The following NETO1 variants were observed in gnomAD, a reference collection of about 807,000 sequenced individuals.
NETO1 encodes the protein neuropilin and tolloid-like protein 1.
NETO1 carries 26 observed loss-of-function variants against 61.3 expected under a neutral mutation model. The ratio of observed to expected loss-of-function variants is 0.42; its 90% CI spans 0.31 to 0.59. The LOEUF (loss-of-function observed/expected upper bound fraction) is 0.59. NETO1 is among the 20% of genes least tolerant of loss of function. The probability of loss-of-function intolerance (pLI) is 0.12; values close to 1 mark genes in which losing one functional copy is unlikely to be tolerated. For synonymous variants in NETO1, 225 were observed against 225.8 expected (o/e 1.00, Z 0.03); for missense variants, 531 against 662.8 (o/e 0.80, Z 2.18).
Position 72,858,842 on chromosome 18 carries a change from T to C in NETO1, c.453A>G (p.Arg151=). Residue 151 remains arginine, a synonymous_variant, in exon 4 of 11, where the codon CGA becomes CGG. Coordinates refer to ENST00000327305, the MANE Select transcript of NETO1 (RefSeq NM_138966.5). The part of the protein sequence containing the change: ...GELESMGFSA[R]YNFTPDPDFK... ...CTTACTTACCAGGTGTGAAATTGTA[T>C]CGAGCTGAAAATCCCATAGATTCCA... is the stretch of plus-strand genomic sequence containing the variant. The C allele has an allele frequency of 6.2e-7, 1 of 1,611,212 alleles. No individual in the cohort carries two copies. Among genetic ancestry groups the C allele is most frequent in the Non-Finnish European group, 8.5e-7 (1 of 1,178,982 alleles).
At chr18:72,768,099 A>T (rs1262448992) in intron 7 of NETO1, among the ~76,000 whole-genome samples, 1 of 152,100 alleles carries the variant, frequency 6.6e-6, no homozygotes, top group Non-Finnish European at 1.5e-5. Context: ...TCCATTTCAG[A>T]TCTTTTTCAA....
At chr18:72,810,722 G>GT (rs1351480057) in intron 4 of NETO1, among the ~76,000 whole-genome samples, 1 of 152,096 alleles carries the variant, frequency 6.6e-6, no homozygotes, top group Admixed American at 6.5e-5. Context: ...TTCCTCGCTC[G>GT]TTTTTCTGTC....
chr18:72,864,854 A>G lies in NETO1; in HGVS notation c.174T>C (p.Tyr58=). The part of the protein sequence containing the change: ...AEGGIFTSPN[Y]PSKYPPDREC... ...CCCGGTCAGGGGGATACTTGCTGGG[A>G]TAGTTGGGAGAGGTAAAGATACCTC... The change falls in exon 3 of 11, where the codon TAT becomes TAC. Residue 58 remains tyrosine, a synonymous_variant. Coordinates refer to ENST00000327305, the MANE Select transcript of NETO1 (RefSeq NM_138966.5). The G allele has an allele frequency of 1.2e-6, 2 of 1,614,004 alleles. No individual in the cohort carries two copies. Among genetic ancestry groups the G allele is most frequent in the African/African-American group, 1.3e-5 (1 of 74,984 alleles).
intron 7 of NETO1, among the ~76,000 whole-genome samples, chr18:72,767,421 T>TA (rs2071203539): frequency 6.6e-6 from 1 of 152,122 alleles, no homozygotes; most frequent in East Asian, 1.9e-4. Flanking sequence ...ACACTTTATT[T>TA]AAAAAAATTA....
rs532658476 is a variant in NETO1 at position 72,767,159 on chromosome 18, G to A, written c.869-11012C>T. ...GGGCCTGCAGTAAATGAAGATTAGA[G>A]CCAAGCGTAAACACATCACCATGAC... On this transcript the variant is annotated intron_variant, in intron 7 of 10. Coordinates refer to ENST00000327305, the MANE Select transcript of NETO1 (RefSeq NM_138966.5). 3.3e-5 allele frequency among the ~76,000 whole-genome samples: 5 copies of A among 152,242 alleles called. No homozygotes were observed. In the East Asian group the frequency reaches 9.6e-4, roughly 29 times the overall value.
At position 72,765,288 on chromosome 18, in the gene NETO1, C is replaced by A. The variant is rs1444827762; in HGVS notation, c.869-9141G>T. Among the ~76,000 whole-genome samples the A allele has an allele frequency of 2.6e-5, 4 of 152,208 alleles. No homozygotes were observed. In the South Asian group the frequency reaches 6.2e-4, roughly 24 times the overall value. On this transcript the variant is annotated intron_variant, in intron 7 of 10. Transcript: ENST00000327305. ...GGTTTTCCCACAATACATACTAGGG[C>A]TTGGGCTGATCCCTTTGAGTTAACT...
intron 7 of NETO1, among the ~76,000 whole-genome samples, chr18:72,766,067 T>A (rs1239416951): frequency 6.6e-6 from 1 of 151,652 alleles, no homozygotes; most frequent in Non-Finnish European, 1.5e-5. Flanking sequence ...AGTAGACTGG[T>A]GTGGTGGTGC....
At chr18:72,846,534 A>AAAAAAAAAAAAAAAAT (rs2074093515) in intron 4 of NETO1, among the ~76,000 whole-genome samples, 1 of 146,800 alleles carries the variant, frequency 6.8e-6, no homozygotes, top group Non-Finnish European at 1.5e-5. Flanking sequence ...AAAAAAAAAA[A>AAAAAAAAAAAAAAAAT]GAAGATGCAT....
Position 72,867,976 on chromosome 18 carries a change from T to C in NETO1, c.-685A>G, listed in dbSNP as rs2145719085. ...GGCTCGCCGGGCTGCGCGCCACCTC[T>C]GCTATCTTGCGGAAAGAGGAGCGGG... On this transcript the variant is annotated 5_prime_UTR_variant, in exon 1 of 11. Coordinates refer to ENST00000327305, the MANE Select transcript of NETO1 (RefSeq NM_138966.5). 1 of 148,568 alleles carries C rather than the reference T, an allele frequency of 6.7e-6. No homozygotes were observed. The highest frequency in any genetic ancestry group is 2.5e-5 in the African/African-American group (1 of 40,420). 9.2% of individuals were successfully genotyped at this position (148,568 alleles called of 1,614,324 possible).
chr18:72,860,517 TA>T (rs1222638453), intron 3 of NETO1, among the ~76,000 whole-genome samples: 1 of 152,296 alleles, frequency 6.6e-6, no homozygotes, highest in Non-Finnish European at 1.5e-5. Flanking sequence ...GGTATAAAAT[TA>T]AATATCAACA....
chr18:72,823,706 A>T (rs180819066), intron 4 of NETO1, among the ~76,000 whole-genome samples: 2 of 152,272 alleles, frequency 1.3e-5, no homozygotes, highest in African/African-American at 4.8e-5. Context: ...ATAGATTTTT[A>T]AAAATAGTCA....
intron 4 of NETO1, among the ~76,000 whole-genome samples, chr18:72,809,228 A>G (rs1478282335): frequency 6.6e-6 from 1 of 152,244 alleles, no homozygotes; most frequent in African/African-American, 2.4e-5. Context: ...TATATGCCAG[A>G]CAAGCAATAA....
In NETO1 at chr18:72,822,738, G is replaced by A. The variant is rs1293520477; in HGVS notation, c.470-28334C>T. ...AATAAAAGCTGAAGACTTCACTTGCGGTAGACACTGTTCTGTAATCTTGTT... is the reference window on the plus strand; with the variant it reads ...AATAAAAGCTGAAGACTTCACTTGCAGTAGACACTGTTCTGTAATCTTGTT... On this transcript the variant is annotated intron_variant, in intron 4 of 10. Coordinates refer to ENST00000327305, the MANE Select transcript of NETO1 (RefSeq NM_138966.5). 3.9e-5 allele frequency among the ~76,000 whole-genome samples: 6 copies of A among 152,104 alleles called. No individual in the cohort carries two copies. In the East Asian group the frequency reaches 7.7e-4, roughly 20 times the overall value.
chr18:72,862,336 TCAA>T (rs755918506), intron 3 of NETO1, among the ~76,000 whole-genome samples: 12 of 152,212 alleles, frequency 7.9e-5, no homozygotes, highest in Admixed American at 2.0e-4. Context: ...ACTAACAATC[TCAA>T]CAACAATCTC....
chr18:72,865,369 T>C, intron 1 of NETO1, 128 bp from the exon 2 acceptor site: 1 of 1,137,992 alleles, frequency 8.8e-7, no homozygotes, highest in Non-Finnish European at 1.3e-6. Flanking sequence ...CTGTTAGAAG[T>C]CGATTCAGAA....
At chr18:72,779,063 G>C (rs2071651728) in intron 7 of NETO1, among the ~76,000 whole-genome samples, 1 of 152,036 alleles carries the variant, frequency 6.6e-6, no homozygotes, top group Non-Finnish European at 1.5e-5. Flanking sequence ...CACTGAACTG[G>C]GGATACTATT....
intron 4 of NETO1, among the ~76,000 whole-genome samples, chr18:72,818,529 T>C (rs1296636701): frequency 1.3e-5 from 2 of 152,172 alleles, no homozygotes; most frequent in Non-Finnish European, 2.9e-5. Context: ...TTTTCATATG[T>C]GATTTCATTT....
In NETO1 at chr18:72,859,038, T is replaced by C; in HGVS notation, c.257A>G (p.Glu86Gly). 6.2e-7 allele frequency: 1 copy of C among 1,613,288 alleles called. No individual in the cohort carries two copies. Among genetic ancestry groups the C allele is most frequent in the Non-Finnish European group, 8.5e-7 (1 of 1,179,584 alleles). The stretch of plus-strand genomic sequence containing the variant: ...CCAAGACGGTTCAATAGAGTACTTT[T>C]CATCAAAGTAAAGTTCAATGCACTG... The part of the protein sequence containing the change: ...PRQCIELYFD[E>G]KYSIEPSWEC... The change falls in exon 4 of 11, where the codon GAA becomes GGA. Residue 86 changes from glutamate to glycine, a missense_variant. By Grantham distance (98) the Glu-to-Gly change is moderately conservative. Transcript: ENST00000327305.
chr18:72,832,144 A>G (rs2073602370), intron 4 of NETO1, among the ~76,000 whole-genome samples: 1 of 152,176 alleles, frequency 6.6e-6, no homozygotes, highest in South Asian at 2.1e-4. Context: ...GATGAATTGG[A>G]TGATATATTC....
Sources: gnomAD v4.1 joint callset for allele counts (sites outside exome capture counted in the v4.1 genomes callset) on GRCh38, gnomAD v4.1.1 for gene constraint, MANE v1.5 for transcripts, NCBI Gene and HGNC (gene_info 2026-07-23, HGNC 2026-07-21) for gene names.